Variants in PXK observed in about 807,000 individuals in gnomAD.
PXK encodes the protein PX domain containing serine/threonine kinase like, also known as PX domain-containing protein kinase-like protein.
A neutral mutation model predicts 84.7 loss-of-function variants in PXK; 35 were observed. The ratio of observed to expected loss-of-function variants is 0.41; its 90% CI spans 0.32 to 0.55. PXK has a LOEUF of 0.55. Among genes scored for constraint, PXK ranks in the 20% least tolerant of loss-of-function variants. The pLI is 0.21. For synonymous variants in PXK, 253 were observed against 260.8 expected, an observed-to-expected ratio of 0.97 and a Z score of 0.29; for missense variants, 634 against 699.7, an observed-to-expected ratio of 0.91 and a Z score of 1.06.
chr3:58,346,832 C>CT (rs1418423409), intron 1 of PXK, among the ~76,000 whole-genome samples: 1 of 79,736 alleles, frequency 1.3e-5, no homozygotes, highest in East Asian at 3.9e-4. Context: ...TAATTGTGTC[C>CT]TTTTTTTGGG....
chr3:58,378,446 G>A (rs2098462125), intron 3 of PXK, among the ~76,000 whole-genome samples: 1 of 123,186 alleles, frequency 8.1e-6, no homozygotes, highest in Non-Finnish European at 1.7e-5. Context: ...ACTCATTTTT[G>A]TTTCTTATTT....
At chr3:58,338,038 C>G (rs1026114161) in intron 1 of PXK, among the ~76,000 whole-genome samples, 1 of 152,058 alleles carries the variant, frequency 6.6e-6, no homozygotes, top group African/African-American at 2.4e-5. Flanking sequence ...CTAAGTTATA[C>G]TGAATACTTT....
chr3:58,404,887 G>A (rs2059153803), intron 13 of PXK, among the ~76,000 whole-genome samples: 2 of 152,190 alleles, frequency 1.3e-5, no homozygotes, highest in Non-Finnish European at 2.9e-5. Flanking sequence ...CCAGTTAGAG[G>A]AATTCTGACA....
At chr3:58,369,365 AT>A in intron 2 of PXK, 65 bp from the exon 3 acceptor site, 1 of 1,297,212 alleles carries the variant, frequency 7.7e-7, no homozygotes. Context: ...TCTAATACAT[AT>A]TAAATAAAGA....
intron 1 of PXK, among the ~76,000 whole-genome samples, chr3:58,358,079 A>G (rs1395869260): frequency 6.6e-6 from 1 of 152,258 alleles, no homozygotes; most frequent in Non-Finnish European, 1.5e-5. Context: ...GCATAACTAT[A>G]TATACTTTGT....
chr3:58,406,690 C>G (rs1229014393), intron 13 of PXK, among the ~76,000 whole-genome samples: 2 of 152,190 alleles, frequency 1.3e-5, no homozygotes, highest in East Asian at 3.8e-4. Flanking sequence ...CTAGAGCTTA[C>G]AACCTGAAAC....
chr3:58,395,513 A>C, intron 8 of PXK, 145 bp from the exon 9 acceptor site: 1 of 628,926 alleles, frequency 1.6e-6, no homozygotes, highest in Middle Eastern at 2.8e-4. Context: ...AACAATGCAG[A>C]CTGTCGTATT....
In PXK at chr3:58,333,447, C is replaced by T; in HGVS notation, c.102+357C>T. On this transcript the variant is annotated intron_variant, in intron 1 of 17. Transcript: ENST00000356151. This position sits in a 1 kb window ranked among gnomAD's most constrained non-coding sequence, Gnocchi z 5.4. ...GAGCAGGAACGAGACCGCTCAGGAC[C>T]ATCCACTTCTGCCCGCCGCCAGCCT... 1 of 437,496 alleles carries T rather than the reference C, an allele frequency of 2.3e-6. No individual in the cohort carries two copies. Among genetic ancestry groups the T allele is most frequent in the South Asian group, 1.6e-5 (1 of 60,820 alleles). 27.1% of individuals were successfully genotyped at this position (437,496 alleles called of 1,614,324 possible). A position where few individuals can be genotyped will look rare whatever the true frequency, so the allele number is the denominator to read the frequency against.
Position 58,425,111 on chromosome 3 carries a change from A to G in PXK, c.*151A>G. The stretch of plus-strand genomic sequence containing the variant: ...AGATGCTCATGTAAGCAGCTTTTCG[A>G]GAGAAATAATTCTTTAAGCAGAATA... On this transcript the variant is annotated 3_prime_UTR_variant, in exon 18 of 18. Coordinates refer to ENST00000356151, the MANE Select transcript of PXK (RefSeq NM_017771.5). 4 of 1,173,776 alleles carry G rather than the reference A, an allele frequency of 3.4e-6. No homozygotes were observed. Among genetic ancestry groups the G allele is most frequent in the Non-Finnish European group, 3.5e-6 (3 of 847,758 alleles). 72.7% of individuals were successfully genotyped at this position (1,173,776 alleles called of 1,614,324 possible).
chr3:58,343,037 A>G (rs73835181), intron 1 of PXK, among the ~76,000 whole-genome samples: 6,997 of 152,254 alleles, frequency 0.046, 565 homozygotes, highest in African/African-American at 0.16. Context: ...ATTTCTCCTC[A>G]TTAATTCAGT....
At chr3:58,395,881 G>A (rs567082897) in intron 9 of PXK, 122 bp downstream of exon 9, 1 of 715,612 alleles carries the variant, frequency 1.4e-6, no homozygotes, top group Non-Finnish European at 2.2e-6. Flanking sequence ...TAAACTGATT[G>A]CATTGTCATA....
intron 17 of PXK, chr3:58,422,507 T>C: frequency 4.1e-6 from 4 of 985,426 alleles, no homozygotes; most frequent in Non-Finnish European, 4.8e-6. Context: ...GTGTATTTAT[T>C]GACACCACCT....
intron 3 of PXK, among the ~76,000 whole-genome samples, chr3:58,374,687 A>T (rs2098423161): frequency 6.6e-6 from 1 of 152,196 alleles, no homozygotes. Flanking sequence ...AGACTTTATT[A>T]TTCCATGTGT....
At chr3:58,418,716 A>G (rs2061370741) in intron 17 of PXK, among the ~76,000 whole-genome samples, 1 of 152,262 alleles carries the variant, frequency 6.6e-6, no homozygotes, top group Non-Finnish European at 1.5e-5. Flanking sequence ...ATGTCTTGCA[A>G]TCAGATAATT....
intron 1 of PXK, among the ~76,000 whole-genome samples, chr3:58,338,630 A>G (rs1039733822): frequency 3.3e-5 from 5 of 152,096 alleles, no homozygotes; most frequent in African/African-American, 9.7e-5. Context: ...CTTAAAAAAA[A>G]AAATTCTTTT....
rs532752834 is a variant in PXK at position 58,369,553 on chromosome 3, G to A, written c.201+75G>A. On this transcript the variant is annotated intron_variant, in intron 3 of 17. Transcript: ENST00000356151. ...AAAAAACTGGCTGGAGTCGGGGCAC[G>A]GTGGCTCAACGCCTGTAATCCCAGC... 1.7e-5 allele frequency: 21 copies of A among 1,201,674 alleles called. No individual in the cohort carries two copies. In the East Asian group the frequency reaches 2.4e-4, roughly 13 times the overall value. The allele number at this position is 1,201,674 out of a possible 1,614,324, so 74.4% of individuals were successfully genotyped here.
chr3:58,423,720 C>A (rs953858354), intron 17 of PXK, among the ~76,000 whole-genome samples: 1 of 152,214 alleles, frequency 6.6e-6, no homozygotes, highest in Non-Finnish European at 1.5e-5. Flanking sequence ...CAGCATCTGA[C>A]AGAGTCTCAG....
Position 58,333,166 on chromosome 3 carries a change from G to C in PXK, c.102+76G>C. 3.5e-6 allele frequency: 3 copies of C among 863,952 alleles called. No individual in the cohort carries two copies. The highest frequency in any genetic ancestry group is 4.2e-6 in the Non-Finnish European group (3 of 712,444). 53.5% of individuals were successfully genotyped at this position (863,952 alleles called of 1,614,324 possible). On this transcript the variant is annotated intron_variant, in intron 1 of 17. Transcript: ENST00000356151. This position sits in a 1 kb window ranked among gnomAD's most constrained non-coding sequence, Gnocchi z 5.4. ...AGGGGGCTGCGGGCTGCCTGGCGCGGGCCGGGCAGGGTCGTCGGACGGAGA... is the reference window on the plus strand; with the variant it reads ...AGGGGGCTGCGGGCTGCCTGGCGCGCGCCGGGCAGGGTCGTCGGACGGAGA...
intron 1 of PXK, among the ~76,000 whole-genome samples, chr3:58,362,763 G>A: frequency 6.6e-6 from 1 of 152,176 alleles, no homozygotes; most frequent in East Asian, 1.9e-4. Flanking sequence ...GCCCAGGCTG[G>A]AGTGCAGTGG....
Sources: gnomAD v4.1 joint callset for allele counts (sites outside exome capture counted in the v4.1 genomes callset) on GRCh38, gnomAD v4.1.1 for gene constraint, Gnocchi (gnomAD v3.1) non-coding constraint, MANE v1.5 for transcripts, NCBI Gene and HGNC (gene_info 2026-07-23, HGNC 2026-07-21) for gene names.